CLSTN2: variants seen among roughly 807,000 people sequenced by gnomAD.
The protein encoded by CLSTN2 is calsyntenin-2.
In CLSTN2, 48 loss-of-function variants were observed where a neutral mutation model predicts 101.2. That is an observed-to-expected ratio of 0.47 (90% CI 0.38 to 0.60). The LOEUF (loss-of-function observed/expected upper bound fraction) is 0.60, where lower values mean the gene tolerates loss of function less well. Ranked by LOEUF, CLSTN2 falls within the 20% of genes least tolerant of loss-of-function variation. CLSTN2 has a pLI of 0.00. For missense variants in CLSTN2, 1,160 were observed against 1,238.2 expected (o/e 0.94, Z 0.95); for synonymous variants, 481 against 463.6 (o/e 1.04, Z -0.48).
At chr3:140,322,634 T>C (rs973371905) in intron 2 of CLSTN2, among the ~76,000 whole-genome samples, 3 of 152,206 alleles carry the variant, frequency 2.0e-5, no homozygotes, top group African/African-American at 7.2e-5. Flanking sequence ...AACAGAAAGA[T>C]TTCCTCTAAT....
At chr3:140,058,780 CA>C (rs34697359) in intron 1 of CLSTN2, among the ~76,000 whole-genome samples, 37,168 of 118,512 alleles carry the variant, frequency 0.31, 5,435 homozygotes, top group African/African-American at 0.47. Flanking sequence ...GGACCCATGA[CA>C]AAAAAAAAAA....
chr3:140,466,561 G>A, intron 7 of CLSTN2, 49 bp from the exon 8 acceptor site: 2 of 1,612,188 alleles, frequency 1.2e-6, no homozygotes, highest in Middle Eastern at 1.7e-4. Flanking sequence ...TCTGGTGGAG[G>A]CTGACACAGG....
intron 5 of CLSTN2, among the ~76,000 whole-genome samples, chr3:140,430,772 G>A (rs1422956777): frequency 7.9e-5 from 12 of 152,324 alleles, no homozygotes; most frequent in Non-Finnish European, 1.5e-5. Context: ...AAAGTTCACT[G>A]CACAAAGGGC....
chr3:140,078,583 T>G (rs2008532962), intron 1 of CLSTN2, among the ~76,000 whole-genome samples: 1 of 152,220 alleles, frequency 6.6e-6, no homozygotes, highest in Admixed American at 6.5e-5. Flanking sequence ...GGAATTATTA[T>G]GCTGACACAC....
intron 2 of CLSTN2, among the ~76,000 whole-genome samples, chr3:140,287,794 C>T (rs1223358696): frequency 1.3e-5 from 2 of 152,098 alleles, no homozygotes; most frequent in Admixed American, 6.5e-5. Context: ...GAGTGATGGG[C>T]AGAGCCAGCA....
chr3:140,484,020 T>G (rs1234469259), intron 8 of CLSTN2, among the ~76,000 whole-genome samples: 3 of 152,204 alleles, frequency 2.0e-5, no homozygotes, highest in African/African-American at 7.2e-5. Flanking sequence ...GTTAGCTGGT[T>G]ATTTTGCTCG....
At chr3:139,937,465 G>A (rs1288465390) in intron 1 of CLSTN2, among the ~76,000 whole-genome samples, 10 of 152,002 alleles carry the variant, frequency 6.6e-5, no homozygotes, top group Admixed American at 6.6e-4. Context: ...GGTCGGGCAT[G>A]GTGGCTCATG....
chr3:140,175,406 CAT>C (rs896094739), intron 1 of CLSTN2, among the ~76,000 whole-genome samples: 1 of 151,708 alleles, frequency 6.6e-6, no homozygotes, highest in Non-Finnish European at 1.5e-5. Flanking sequence ...TTTATCTTTG[CAT>C]ATATAATGAT....
At chr3:140,528,366 C>T (rs1039221455) in intron 8 of CLSTN2, among the ~76,000 whole-genome samples, 3 of 152,174 alleles carry the variant, frequency 2.0e-5, no homozygotes, top group Admixed American at 2.0e-4. Flanking sequence ...ACACTCTTCA[C>T]CTTTTGCAAA....
intron 1 of CLSTN2, among the ~76,000 whole-genome samples, chr3:140,021,222 A>G (rs2007309177): frequency 6.6e-6 from 1 of 152,162 alleles, no homozygotes. Context: ...ATGTTATTAC[A>G]CACTCTTAAG....
At chr3:140,407,656 T>C (rs2088318424) in intron 4 of CLSTN2, among the ~76,000 whole-genome samples, 1 of 152,216 alleles carries the variant, frequency 6.6e-6, no homozygotes, top group Non-Finnish European at 1.5e-5. Context: ...CAGGCTTAAA[T>C]TATGAGCAGA....
chr3:139,953,968 T>C (rs1478760535), intron 1 of CLSTN2, among the ~76,000 whole-genome samples: 2 of 152,150 alleles, frequency 1.3e-5, no homozygotes, highest in Non-Finnish European at 2.9e-5. Context: ...TGTTGGCTTT[T>C]TTCCCCTTCT....
rs2088472119 is a variant in CLSTN2 at position 140,419,582 on chromosome 3, CGT to C, written c.638-1540_638-1539del. On this transcript the variant is annotated intron_variant, in intron 4 of 16. Coordinates refer to ENST00000458420, the MANE Select transcript of CLSTN2 (RefSeq NM_022131.3). Reference sequence around the variant, plus strand: ...GTATATATGTATATATACATATATACGTGTACGTATATATGTATATATACATA... The same window carrying C: ...GTATATATGTATATATACATATATACGTACGTATATATGTATATATACATA... 1.0e-4 allele frequency among the ~76,000 whole-genome samples: 5 copies of C among 49,100 alleles called. 1 individual carries two copies. The highest frequency in any genetic ancestry group is 4.6e-4 in the South Asian group (1 of 2,182). 32.2% of individuals were successfully genotyped at this position (49,100 alleles called of 152,430 possible).
intron 1 of CLSTN2, among the ~76,000 whole-genome samples, chr3:140,001,934 T>C (rs2006850082): frequency 6.6e-6 from 1 of 152,246 alleles, no homozygotes; most frequent in African/African-American, 2.4e-5. Flanking sequence ...CCATCCATTT[T>C]GTTGCAAATG....
intron 4 of CLSTN2, among the ~76,000 whole-genome samples, chr3:140,408,442 C>T (rs912959686): frequency 1.3e-5 from 2 of 152,156 alleles, no homozygotes; most frequent in African/African-American, 4.8e-5. Context: ...GCATGGGACC[C>T]CAGCTGTCTT....
At chr3:140,108,871 G>A (rs1396003663) in intron 1 of CLSTN2, among the ~76,000 whole-genome samples, 1 of 152,190 alleles carries the variant, frequency 6.6e-6, no homozygotes, top group Non-Finnish European at 1.5e-5. Flanking sequence ...AGCATTTGTT[G>A]TACTCCTGCT....
intron 2 of CLSTN2, among the ~76,000 whole-genome samples, chr3:140,235,593 G>A (rs1329086428): frequency 6.6e-6 from 1 of 152,174 alleles, no homozygotes; most frequent in African/African-American, 2.4e-5. Context: ...GATAGAGTCT[G>A]GTCTTCTTCT....
chr3:140,129,232 G>GA (rs1381990332), intron 1 of CLSTN2, among the ~76,000 whole-genome samples: 1 of 152,020 alleles, frequency 6.6e-6, no homozygotes, highest in Admixed American at 6.6e-5. Flanking sequence ...AAGTCGCACA[G>GA]AGAGTTCTGA....
chr3:139,945,349 A>C (rs1036812206), intron 1 of CLSTN2, among the ~76,000 whole-genome samples: 1 of 152,220 alleles, frequency 6.6e-6, no homozygotes, highest in Non-Finnish European at 1.5e-5. Flanking sequence ...AGAAAGTTCT[A>C]AGTATTCAAA....
Sources: gnomAD v4.1 joint callset for allele counts (sites outside exome capture counted in the v4.1 genomes callset) on GRCh38, gnomAD v4.1.1 for gene constraint, MANE v1.5 for transcripts, NCBI Gene and HGNC (gene_info 2026-07-23, HGNC 2026-07-21) for gene names.